PCDH9: variants seen among roughly 807,000 people sequenced by gnomAD.
PCDH9 encodes the protein protocadherin-9.
Under a neutral mutation model 70.6 loss-of-function variants are expected in PCDH9, and 24 were observed. The observed-to-expected ratio is 0.34, with a 90% CI of 0.25 to 0.48. The LOEUF is 0.48. Ranked by LOEUF, PCDH9 falls within the 20% of genes least tolerant of loss-of-function variation. The pLI, the probability that PCDH9 is intolerant of heterozygous loss-of-function variation, is 0.99. For missense variants in PCDH9, 1,281 were observed against 1,503.6 expected (o/e 0.85, Z 2.45); for synonymous variants, 562 against 558.5 (o/e 1.01, Z -0.09).
chr13:67,174,391 C>T (rs2088388578), intron 2 of PCDH9, among the ~76,000 whole-genome samples: 2 of 151,948 alleles, frequency 1.3e-5, no homozygotes, highest in Admixed American at 1.3e-4. Flanking sequence ...TAAAATGCTC[C>T]TGTTTACAGA....
At chr13:66,797,301 C>T (rs2080257943) in intron 3 of PCDH9, among the ~76,000 whole-genome samples, 1 of 152,060 alleles carries the variant, frequency 6.6e-6, no homozygotes, top group Admixed American at 6.6e-5. Flanking sequence ...CGTGAAACCC[C>T]ATTATCATCT....
chr13:66,828,968 A>G (rs1292494211), intron 3 of PCDH9, among the ~76,000 whole-genome samples: 1 of 152,050 alleles, frequency 6.6e-6, no homozygotes, highest in Non-Finnish European at 1.5e-5. Context: ...ATATAAAGGA[A>G]TTGATAATGG....
At chr13:66,799,690 G>T (rs1156947605) in intron 3 of PCDH9, among the ~76,000 whole-genome samples, 1 of 152,108 alleles carries the variant, frequency 6.6e-6, no homozygotes, top group East Asian at 1.9e-4. Flanking sequence ...TTTGTAATAA[G>T]GAACAATCAG....
chr13:67,226,797 C>T lies in PCDH9; in HGVS notation c.1644G>A (p.Gly548=). Residue 548 remains glycine (G), a synonymous_variant, in exon 2 of 5, where the codon GGG becomes GGA. Transcript: ENST00000377865. The surrounding 1 kb of genome is among the most constrained non-coding windows in gnomAD (Gnocchi z 5.0). ...FIFTVTARDN[G]TPPLQSQAAV... ...CCGCTTGGCTTTGGAGGGGAGGGGTCCCATTGTCCCTGGCAGTTACTGTAA... is the reference window on the plus strand; with the variant it reads ...CCGCTTGGCTTTGGAGGGGAGGGGTTCCATTGTCCCTGGCAGTTACTGTAA... The T allele has an allele frequency of 1.2e-6, 2 of 1,613,982 alleles. No homozygotes were observed.
At chr13:66,608,387 A>G (rs901810980) in intron 4 of PCDH9, among the ~76,000 whole-genome samples, 18 of 152,180 alleles carry the variant, frequency 1.2e-4, no homozygotes, top group African/African-American at 3.9e-4. Flanking sequence ...ACAAAGTTTC[A>G]CATACTTATG....
intron 3 of PCDH9, among the ~76,000 whole-genome samples, chr13:66,814,840 T>C (rs767663050): frequency 4.6e-5 from 7 of 152,118 alleles, no homozygotes; most frequent in Admixed American, 3.3e-4. Context: ...ATTCTGGACA[T>C]AGGACCTGGC....
chr13:66,683,271 G>C (rs1167906619), intron 3 of PCDH9, among the ~76,000 whole-genome samples: 4 of 151,940 alleles, frequency 2.6e-5, no homozygotes. Context: ...CAGATATACT[G>C]TCAATTTACA....
At chr13:66,781,647 CATGT>C (rs1348052692) in intron 3 of PCDH9, among the ~76,000 whole-genome samples, 1 of 152,018 alleles carries the variant, frequency 6.6e-6, no homozygotes, top group Admixed American at 6.6e-5. Context: ...TATTTTTTGG[CATGT>C]AAGGACCTTG....
intron 2 of PCDH9, among the ~76,000 whole-genome samples, chr13:67,049,174 T>G (rs1240984112): frequency 6.6e-6 from 1 of 152,218 alleles, no homozygotes; most frequent in African/African-American, 2.4e-5. Flanking sequence ...CTGTACTTTT[T>G]AAAACTTGTG....
At chr13:66,523,010 C>G (rs1960067130) in intron 4 of PCDH9, among the ~76,000 whole-genome samples, 1 of 152,024 alleles carries the variant, frequency 6.6e-6, no homozygotes, top group South Asian at 2.1e-4. Flanking sequence ...AAATTACAGT[C>G]TCTGAATAGA....
At chr13:67,106,740 C>T (rs972376079) in intron 2 of PCDH9, among the ~76,000 whole-genome samples, 1 of 152,230 alleles carries the variant, frequency 6.6e-6, no homozygotes, top group Non-Finnish European at 1.5e-5. Flanking sequence ...CTGGGAAACC[C>T]TTCTGCCCCT....
chr13:66,677,291 C>T (rs772277776), intron 3 of PCDH9, among the ~76,000 whole-genome samples: 8 of 152,108 alleles, frequency 5.3e-5, no homozygotes, highest in Admixed American at 2.6e-4. Context: ...TAAAAAGCCA[C>T]TTGTCAACAA....
intron 3 of PCDH9, among the ~76,000 whole-genome samples, chr13:66,761,189 G>A (rs367803924): frequency 3.9e-4 from 59 of 149,734 alleles, no homozygotes; most frequent in African/African-American, 5.2e-4. Context: ...GCTGGTTTGC[G>A]GCTTAGGTGG....
chr13:66,619,304 AT>A (rs1313482785), intron 4 of PCDH9, among the ~76,000 whole-genome samples: 1 of 152,134 alleles, frequency 6.6e-6, no homozygotes, highest in Non-Finnish European at 1.5e-5. Flanking sequence ...TAGCAAAAAC[AT>A]GTTTTACTAT....
At chr13:66,732,754 T>C (rs2079094605) in intron 3 of PCDH9, among the ~76,000 whole-genome samples, 1 of 152,084 alleles carries the variant, frequency 6.6e-6, no homozygotes, top group Non-Finnish European at 1.5e-5. Flanking sequence ...TACCATTTTT[T>C]TTGCAGATAG....
chr13:66,832,249 G>A lies in PCDH9; in HGVS notation c.3138+71255C>T, dbSNP rs191113144. On this transcript the variant is annotated intron_variant, in intron 3 of 4. Transcript: ENST00000377865. ...CTGGAATTTATAATAAATGTATGCC[G>A]TATGACGTTTTATAGAGTTGAATTT... 3.1e-3 allele frequency among the ~76,000 whole-genome samples: 466 copies of A among 152,096 alleles called. 5 individuals carry two copies. Among genetic ancestry groups the A allele is most frequent in the African/African-American group, 9.9e-3 (410 of 41,516 alleles).
intron 2 of PCDH9, among the ~76,000 whole-genome samples, chr13:66,954,696 C>T (rs965841384): frequency 2.0e-5 from 3 of 152,332 alleles, no homozygotes; most frequent in Non-Finnish European, 1.5e-5. Context: ...ACAGCATGCC[C>T]TCCCTCTCAC....
chr13:66,356,097 T>G (rs1956377596), intron 4 of PCDH9, among the ~76,000 whole-genome samples: 1 of 152,156 alleles, frequency 6.6e-6, no homozygotes, highest in South Asian at 2.1e-4. Context: ...TTGGAATAAC[T>G]GTGTACTATG....
At chr13:66,691,080 C>A (rs2078477556) in intron 3 of PCDH9, among the ~76,000 whole-genome samples, 1 of 152,066 alleles carries the variant, frequency 6.6e-6, no homozygotes, top group Non-Finnish European at 1.5e-5. Context: ...CCCTGTAGCA[C>A]TGGCCAGAGT....
Sources: allele counts gnomAD v4.1 joint callset (sites outside exome capture counted in the v4.1 genomes callset), GRCh38; gene constraint gnomAD v4.1.1; non-coding constraint Gnocchi (gnomAD v3.1); transcripts MANE v1.5; gene names NCBI Gene and HGNC (gene_info 2026-07-23, HGNC 2026-07-21).